The following NREP variants were observed in gnomAD, a reference collection of about 807,000 sequenced individuals.
The protein encoded by NREP is neuronal regeneration related protein, also known as neuronal regeneration-related protein.
In NREP, 5 loss-of-function variants were observed where a neutral mutation model predicts 8.6. That is an observed-to-expected ratio of 0.58 (90% confidence interval 0.30 to 1.22). The LOEUF is 1.22. NREP is among the 50% of genes most tolerant of loss of function. The pLI is 0.07. For synonymous variants in NREP, 27 were observed against 28.0 expected, an observed-to-expected ratio of 0.96 and a Z score of 0.11; for missense variants, 86 against 82.5, an observed-to-expected ratio of 1.04 and a Z score of -0.17.
In NREP at chr5:111,755,829, A is replaced by C; in HGVS notation, c.-57T>G. 6.2e-7 allele frequency: 1 copy of C among 1,613,582 alleles called. No homozygotes were observed. The highest frequency in any genetic ancestry group is 8.5e-7 in the Non-Finnish European group (1 of 1,179,612). ...CCCTCTCTTCAGTCCAGGGAGACCA[A>C]CCTGCAAAATATGTTTAAATACAGT... On this transcript the variant is annotated splice_region_variant and 5_prime_UTR_variant, in exon 2 of 4. Transcript: ENST00000257435.
At chr5:111,970,807 C>G (rs1437482795) in intron 2 of NREP, among the ~76,000 whole-genome samples, 1 of 76,724 alleles carries the variant, frequency 1.3e-5, no homozygotes, top group Non-Finnish European at 2.3e-5. Flanking sequence ...GCCTGGTTGA[C>G]AAAGCAAGAC....
At chr5:111,848,256 T>C (rs1753228082) in intron 2 of NREP, among the ~76,000 whole-genome samples, 1 of 152,204 alleles carries the variant, frequency 6.6e-6, no homozygotes, top group Non-Finnish European at 1.5e-5. Flanking sequence ...TCAACTATTT[T>C]TAGACACAGT....
chr5:111,807,967 T>TATGCCTCAA (rs1716947120), intron 2 of NREP, among the ~76,000 whole-genome samples: 1 of 152,176 alleles, frequency 6.6e-6, no homozygotes, highest in Non-Finnish European at 1.5e-5. Context: ...TCAATTCAGT[T>TATGCCTCAA]AAATAAGGCA....
At chr5:111,898,649 C>T (rs1331005437) in intron 2 of NREP, among the ~76,000 whole-genome samples, 1 of 152,100 alleles carries the variant, frequency 6.6e-6, no homozygotes, top group Non-Finnish European at 1.5e-5. Flanking sequence ...AAGCAACTGT[C>T]TCCCCTCAAA....
At chr5:111,874,157 A>G (rs1388185563) in intron 2 of NREP, among the ~76,000 whole-genome samples, 1 of 152,028 alleles carries the variant, frequency 6.6e-6, no homozygotes, top group Non-Finnish European at 1.5e-5. Flanking sequence ...CAGGCCCAAG[A>G]TAGGACATGT....
intron 2 of NREP, among the ~76,000 whole-genome samples, chr5:111,790,617 G>T (rs1255095485): frequency 6.6e-6 from 1 of 151,772 alleles, no homozygotes; most frequent in Non-Finnish European, 1.5e-5. Flanking sequence ...ATTTTAAAAG[G>T]TTTCGCCTAT....
At chr5:111,879,746 G>T (rs960229642) in intron 2 of NREP, among the ~76,000 whole-genome samples, 5 of 152,196 alleles carry the variant, frequency 3.3e-5, no homozygotes, top group Non-Finnish European at 7.3e-5. Context: ...GGCCAGCATA[G>T]TTGAGCTTTG....
chr5:111,781,652 C>G (rs1432596908), intron 2 of NREP, among the ~76,000 whole-genome samples: 2 of 152,204 alleles, frequency 1.3e-5, no homozygotes, highest in Non-Finnish European at 2.9e-5. Flanking sequence ...TACATCCTCA[C>G]TTCCAGGATC....
At chr5:111,867,172 T>C (rs1394136294) in intron 2 of NREP, among the ~76,000 whole-genome samples, 1 of 152,094 alleles carries the variant, frequency 6.6e-6, no homozygotes, top group Non-Finnish European at 1.5e-5. Context: ...ATGGTTAATA[T>C]TCAGCTAACC....
intron 2 of NREP, among the ~76,000 whole-genome samples, chr5:111,865,565 A>C: frequency 6.6e-6 from 1 of 152,322 alleles, no homozygotes; most frequent in South Asian, 2.1e-4. Flanking sequence ...GCCACATGAC[A>C]TTATGATGGC....
chr5:111,844,615 G>A (rs1000337390), intron 2 of NREP, among the ~76,000 whole-genome samples: 1 of 146,966 alleles, frequency 6.8e-6, no homozygotes, highest in Non-Finnish European at 1.5e-5. Flanking sequence ...AATCATTCTT[G>A]AATATTTAGT....
intron 2 of NREP, among the ~76,000 whole-genome samples, chr5:111,907,900 C>T (rs1028721102): frequency 6.6e-6 from 1 of 151,898 alleles, no homozygotes; most frequent in African/African-American, 2.4e-5. Flanking sequence ...TTTTTTATAT[C>T]CCTGTTACCA....
chr5:111,815,687 A>G (rs1752370024), intron 2 of NREP, among the ~76,000 whole-genome samples: 4 of 152,150 alleles, frequency 2.6e-5, no homozygotes, highest in African/African-American at 9.6e-5. Flanking sequence ...TGGAAGATGG[A>G]TCAGTAAAAA....
chr5:111,830,326 T>G (rs1233941424), intron 2 of NREP, among the ~76,000 whole-genome samples: 1 of 152,180 alleles, frequency 6.6e-6, no homozygotes, highest in Non-Finnish European at 1.5e-5. Context: ...GCTAACACCC[T>G]GGGTTAAGAT....
At chr5:111,951,979 C>A (rs1756172980) in intron 2 of NREP, among the ~76,000 whole-genome samples, 1 of 152,034 alleles carries the variant, frequency 6.6e-6, no homozygotes, top group South Asian at 2.1e-4. Flanking sequence ...TTTTCCAAAC[C>A]CTATATCCTA....
At chr5:111,759,316 CAT>C (rs1750903796), upstream of NREP, among the ~76,000 whole-genome samples, 1 of 152,194 alleles carries the variant, frequency 6.6e-6, no homozygotes, top group African/African-American at 2.4e-5. Flanking sequence ...TACAAGGAAA[CAT>C]ACATATAAAC....
intron 2 of NREP, chr5:111,948,773 CTA>C (rs1756066915): frequency 6.6e-6 from 1 of 152,050 alleles, no homozygotes. Flanking sequence ...CATATCATGA[CTA>C]TGAGTCTTTC....
chr5:111,769,985 G>C (rs142044413), intron 2 of NREP, among the ~76,000 whole-genome samples: 1 of 152,146 alleles, frequency 6.6e-6, no homozygotes, highest in African/African-American at 2.4e-5. Context: ...AGGTACTCAC[G>C]CATGAATCCC....
chr5:111,763,587 T>C (rs2112865474), intron 2 of NREP, among the ~76,000 whole-genome samples: 1 of 152,354 alleles, frequency 6.6e-6, no homozygotes, highest in East Asian at 1.9e-4. Flanking sequence ...TTTATCCAGA[T>C]TATCCTACCA....
Sources: gnomAD v4.1 joint callset for allele counts (sites outside exome capture counted in the v4.1 genomes callset) on GRCh38, gnomAD v4.1.1 for gene constraint, MANE v1.5 for transcripts, NCBI Gene and HGNC (gene_info 2026-07-23, HGNC 2026-07-21) for gene names.